Variants in GC observed in about 807,000 individuals in gnomAD.
GC encodes the protein GC vitamin D binding protein, also known as vitamin D-binding protein.
GC carries 43 observed loss-of-function variants against 56.7 expected under a neutral mutation model. The ratio of observed to expected loss-of-function variants is 0.76; its 90% CI spans 0.59 to 0.98. The LOEUF (loss-of-function observed/expected upper bound fraction) is 0.98, where lower values mean the gene tolerates loss of function less well. GC is among the 50% of genes least tolerant of loss of function. The pLI, the probability that GC is intolerant of heterozygous loss-of-function variation, is 0.00. For missense variants in GC, 529 were observed against 545.9 expected (o/e 0.97, Z 0.31); for synonymous variants, 216 against 202.7 (o/e 1.07, Z -0.56).
intron 11 of GC, among the ~76,000 whole-genome samples, chr4:71,751,370 G>T (rs1432908517): frequency 1.3e-5 from 2 of 152,124 alleles, no homozygotes; most frequent in Non-Finnish European, 2.9e-5. Context: ...TCTATATAAA[G>T]ATGGGCAGAA....
chr4:71,795,957 T>G (rs1743091928), intron 1 of GC, among the ~76,000 whole-genome samples: 1 of 152,234 alleles, frequency 6.6e-6, no homozygotes, highest in East Asian at 1.9e-4. Context: ...TTGACAATTC[T>G]TTTCTTTAAG....
chr4:71,746,276 G>T, intron 11 of GC, 71 bp from the exon 12 acceptor site: 1 of 700,008 alleles, frequency 1.4e-6, no homozygotes, highest in South Asian at 1.9e-5. Flanking sequence ...TCATGCAGAA[G>T]GTATACAAAA....
At chr4:71,780,408 T>C (rs1210634792) in intron 1 of GC, among the ~76,000 whole-genome samples, 3 of 151,940 alleles carry the variant, frequency 2.0e-5, no homozygotes, top group Admixed American at 6.6e-5. Flanking sequence ...CTAAAAAGCT[T>C]CTGCACAGCA....
chr4:71,746,433 A>G (rs1741366946), intron 11 of GC, among the ~76,000 whole-genome samples: 1 of 151,876 alleles, frequency 6.6e-6, no homozygotes, highest in African/African-American at 2.4e-5. Flanking sequence ...GTAGACAAGA[A>G]AAAATGGCAG....
Position 71,756,829 on chromosome 4 carries a change from A to G in GC, c.917T>C (p.Met306Thr), listed in dbSNP as rs1741790358. The G allele has an allele frequency of 4.3e-6, 7 of 1,613,234 alleles. No homozygotes were observed. Among genetic ancestry groups the G allele is most frequent in the African/African-American group, 2.7e-5 (2 of 74,910 alleles). Residue 306 changes from methionine (M) to threonine (T), a missense_variant, in exon 8 of 13, where the codon ATG (methionine) becomes ACG (threonine). By Grantham distance (81) the Met-to-Thr change is moderately conservative. Transcript: ENST00000273951. ...FEDCCQEKTA[M>T]DVFVCTYFMP... ...GAAGTAAGTGCACACAAAAACGTCC[A>G]TGGCTGTTTTTTCTTGACAACAGTC...
intron 1 of GC, among the ~76,000 whole-genome samples, chr4:71,800,397 C>T (rs779650405): frequency 6.6e-5 from 10 of 152,224 alleles, no homozygotes; most frequent in South Asian, 2.1e-4. Context: ...CATGTCCCTG[C>T]GAAGGATATG....
At chr4:71,780,351 A>T (rs1357258971) in intron 1 of GC, among the ~76,000 whole-genome samples, 1 of 152,168 alleles carries the variant, frequency 6.6e-6, no homozygotes, top group Non-Finnish European at 1.5e-5. Context: ...AAAACACCAA[A>T]AGCAAAGGCA....
At chr4:71,801,147 C>T (rs149882946) in intron 1 of GC, among the ~76,000 whole-genome samples, 1 of 152,050 alleles carries the variant, frequency 6.6e-6, no homozygotes, top group Non-Finnish European at 1.5e-5. Flanking sequence ...GACAAATAAT[C>T]CAAATTTTTA....
chr4:71,802,756 C>G (rs1173384670), intron 1 of GC, among the ~76,000 whole-genome samples: 4 of 152,166 alleles, frequency 2.6e-5, no homozygotes, highest in Admixed American at 1.3e-4. Flanking sequence ...CTACCTCATT[C>G]AGTGAAACAA....
At chr4:71,778,229 AT>A (rs200272595) in intron 1 of GC, among the ~76,000 whole-genome samples, 2,893 of 152,112 alleles carry the variant, frequency 0.019, 39 homozygotes, top group Middle Eastern at 0.048. Flanking sequence ...ATGTAAACAT[AT>A]TTAAACAATT....
At chr4:71,764,362 A>C (rs1742091943) in intron 4 of GC, among the ~76,000 whole-genome samples, 2 of 152,172 alleles carry the variant, frequency 1.3e-5, no homozygotes, top group Non-Finnish European at 1.5e-5. Context: ...TATCTAAAAA[A>C]CACTAAGAAT....
chr4:71,763,403 T>C lies in GC; in HGVS notation c.701+5A>G. On this transcript the variant is annotated splice_donor_5th_base_variant and intron_variant, in intron 6 of 12. Coordinates refer to ENST00000273951, the MANE Select transcript of GC (RefSeq NM_000583.4). ...CTAAATATGACAATAGCACTTAATC[T>C]TTACCTGAGCCTTGATTTCTTCTCC... 1 of 1,511,650 alleles carries C rather than the reference T, an allele frequency of 6.6e-7. No homozygotes were observed. The highest frequency in any genetic ancestry group is 9.2e-7 in the Non-Finnish European group (1 of 1,087,776). The allele number at this position is 1,511,650 out of a possible 1,614,324, so 93.6% of individuals were successfully genotyped here.
intron 6 of GC, among the ~76,000 whole-genome samples, chr4:71,760,266 A>G (rs187032086): frequency 1.3e-4 from 20 of 150,152 alleles, no homozygotes; most frequent in African/African-American, 3.9e-4. Flanking sequence ...GTTAGCCAGG[A>G]TGATCTCGAT....
At chr4:71,796,136 T>C (rs1194973991) in intron 1 of GC, among the ~76,000 whole-genome samples, 1 of 152,192 alleles carries the variant, frequency 6.6e-6, no homozygotes, top group Non-Finnish European at 1.5e-5. Context: ...GACAATTATG[T>C]TGCTTGGAGT....
chr4:71,793,772 G>C (rs1033345981), intron 1 of GC, among the ~76,000 whole-genome samples: 2 of 152,134 alleles, frequency 1.3e-5, no homozygotes, highest in Non-Finnish European at 2.9e-5. Context: ...TGCCCATTCA[G>C]TATGATATTG....
At chr4:71,780,552 C>A (rs1258086779) in intron 1 of GC, among the ~76,000 whole-genome samples, 2 of 152,008 alleles carry the variant, frequency 1.3e-5, no homozygotes, top group African/African-American at 4.8e-5. Context: ...AAACAAACAA[C>A]CCCATCAAAA....
chr4:71,769,215 C>T (rs1305870801), intron 2 of GC, 116 bp downstream of exon 2: 1 of 730,730 alleles, frequency 1.4e-6, no homozygotes. Context: ...GGGGCTCTGT[C>T]CTCTTACTCT....
At chr4:71,802,095 CA>C (rs2149311657) in intron 1 of GC, among the ~76,000 whole-genome samples, 1 of 152,244 alleles carries the variant, frequency 6.6e-6, no homozygotes, top group African/African-American at 2.4e-5. Flanking sequence ...TTTGTTTGGA[CA>C]GTAGATTTTA....
chr4:71,793,318 G>T (rs961500537), intron 1 of GC, among the ~76,000 whole-genome samples: 1 of 152,050 alleles, frequency 6.6e-6, no homozygotes, highest in African/African-American at 2.4e-5. Context: ...CCATTTGTTT[G>T]TGTCCTCTTA....
Sources: gnomAD v4.1 joint callset for allele counts (sites outside exome capture counted in the v4.1 genomes callset) on GRCh38, gnomAD v4.1.1 for gene constraint, MANE v1.5 for transcripts, NCBI Gene and HGNC (gene_info 2026-07-23, HGNC 2026-07-21) for gene names.